Variants in GFRA2 observed in about 807,000 individuals in gnomAD.
The protein encoded by GFRA2 is GDNF family receptor alpha-2.
Under a neutral mutation model 48.3 loss-of-function variants are expected in GFRA2, and 17 were observed. That is an observed-to-expected ratio of 0.35 (90% confidence interval 0.24 to 0.53). The LOEUF is 0.53. Among genes scored for constraint, GFRA2 ranks in the 20% least tolerant of loss-of-function variants. The pLI, the probability that GFRA2 is intolerant of heterozygous loss-of-function variation, is 0.93. For synonymous variants in GFRA2, 305 were observed against 257.2 expected (o/e 1.19, Z -1.78); for missense variants, 660 against 637.3 (o/e 1.04, Z -0.38).
chr8:21,722,774 CA>C (rs1315660611), intron 4 of GFRA2, among the ~76,000 whole-genome samples: 3 of 152,234 alleles, frequency 2.0e-5, no homozygotes, highest in Admixed American at 1.3e-4. Context: ...CCTCCAACTC[CA>C]CAACAGGTGA....
At chr8:21,698,324 G>T (rs912313501) in intron 7 of GFRA2, among the ~76,000 whole-genome samples, 1 of 152,186 alleles carries the variant, frequency 6.6e-6, no homozygotes, top group Non-Finnish European at 1.5e-5. Context: ...GGGGAAGGAC[G>T]CAGAAAGAAG....
chr8:21,776,719 C>A, intron 2 of GFRA2, among the ~76,000 whole-genome samples: 1 of 152,140 alleles, frequency 6.6e-6, no homozygotes, highest in Non-Finnish European at 1.5e-5. Context: ...GATCTGTGCA[C>A]CTCAGCCTCC....
rs1807077846 is a variant in GFRA2 at position 21,782,834 on chromosome 8, G to A, written c.106C>T (p.Pro36Ser). 1.3e-6 allele frequency: 2 copies of A among 1,571,198 alleles called. No individual in the cohort carries two copies. The highest frequency in any genetic ancestry group is 1.2e-5 in the South Asian group (1 of 86,536). The change falls in exon 2 of 9, where the codon CCC (proline) becomes TCC (serine). Residue 36 changes from proline to serine, a missense_variant. Coordinates refer to ENST00000524240, the MANE Select transcript of GFRA2 (RefSeq NM_001495.5). ...LQGPELHGWRPPVDCVRANEL... is the reference protein window; with the variant it reads ...LQGPELHGWRSPVDCVRANEL... The stretch of plus-strand genomic sequence containing the variant: ...TTGGCCCGGACACAGTCCACTGGGG[G>A]GCGCCAGCCGTGGAGCTCGGGGCCC...
intron 4 of GFRA2, among the ~76,000 whole-genome samples, chr8:21,712,359 A>G (rs1483832032): frequency 7.1e-6 from 1 of 141,240 alleles, no homozygotes; most frequent in Non-Finnish European, 1.5e-5. Flanking sequence ...CGCTCCTCAC[A>G]TCCCAGACGG....
chr8:21,703,102 G>GCATA (rs1258709347), intron 6 of GFRA2, 125 bp from the exon 7 acceptor site: 2 of 548,620 alleles, frequency 3.6e-6, no homozygotes, highest in Admixed American at 7.4e-5. Flanking sequence ...CCAGGACAGG[G>GCATA]CATAGCACAG....
chr8:21,712,602 G>T (rs1803108613), intron 4 of GFRA2, among the ~76,000 whole-genome samples: 1 of 148,828 alleles, frequency 6.7e-6, no homozygotes, highest in Non-Finnish European at 1.5e-5. Flanking sequence ...TCCCAGACGG[G>T]GTGGCGGCCG....
At chr8:21,724,579 C>A (rs1229073670) in intron 4 of GFRA2, among the ~76,000 whole-genome samples, 1 of 152,130 alleles carries the variant, frequency 6.6e-6, no homozygotes, top group East Asian at 1.9e-4. Flanking sequence ...AACCAGGAGG[C>A]AAACTGGGAA....
At chr8:21,726,747 C>T (rs1028252021) in intron 4 of GFRA2, among the ~76,000 whole-genome samples, 1 of 149,006 alleles carries the variant, frequency 6.7e-6, no homozygotes, top group African/African-American at 2.5e-5. Context: ...CTGCAAACAC[C>T]CTATTTTTTT....
intron 4 of GFRA2, among the ~76,000 whole-genome samples, chr8:21,714,196 G>T (rs1803212987): frequency 1.4e-5 from 2 of 143,124 alleles, no homozygotes; most frequent in African/African-American, 2.6e-5. Context: ...AATAATATTG[G>T]GGATCCCCAA....
intron 1 of GFRA2, among the ~76,000 whole-genome samples, chr8:21,809,222 G>A (rs73671777): frequency 2.0e-5 from 3 of 152,218 alleles, no homozygotes; most frequent in Non-Finnish European, 4.4e-5. Context: ...GAACACTGAG[G>A]AACTGGACCA....
At chr8:21,786,804 G>C (rs1013223723) in intron 1 of GFRA2, among the ~76,000 whole-genome samples, 39 of 152,264 alleles carry the variant, frequency 2.6e-4, no homozygotes, top group African/African-American at 7.2e-4. Context: ...GCACTTCTTA[G>C]ACCACGCACA....
chr8:21,703,703 C>A (rs1452995179), intron 6 of GFRA2, among the ~76,000 whole-genome samples: 1 of 152,164 alleles, frequency 6.6e-6, no homozygotes, highest in Non-Finnish European at 1.5e-5. Context: ...CTTGGTGCCT[C>A]CCTGCACAAG....
chr8:21,704,027 G>A (rs574445363), intron 6 of GFRA2, among the ~76,000 whole-genome samples: 1 of 152,370 alleles, frequency 6.6e-6, no homozygotes, highest in South Asian at 2.1e-4. Flanking sequence ...CCTCAGGCCT[G>A]CAAGGCCCTG....
At chr8:21,708,284 C>T (rs1292030080) in intron 4 of GFRA2, among the ~76,000 whole-genome samples, 2 of 152,232 alleles carry the variant, frequency 1.3e-5, no homozygotes, top group East Asian at 3.8e-4. Context: ...CATTTCCAAG[C>T]AATCCTTCAC....
intron 4 of GFRA2, among the ~76,000 whole-genome samples, chr8:21,729,973 C>T (rs944238009): frequency 5.3e-5 from 8 of 152,222 alleles, no homozygotes; most frequent in African/African-American, 9.6e-5. Flanking sequence ...GCAGAGATCC[C>T]ACCACACTCT....
chr8:21,763,789 C>A (rs1394211300), intron 3 of GFRA2, among the ~76,000 whole-genome samples: 2 of 151,894 alleles, frequency 1.3e-5, no homozygotes, highest in Non-Finnish European at 2.9e-5. Flanking sequence ...TCCTCAATTC[C>A]TCCCTACCCA....
rs202075345 is a variant in GFRA2 at position 21,702,761 on chromosome 8, C to T, written c.1218+44G>A. The T allele has an allele frequency of 1.7e-5, 26 of 1,518,740 alleles. No individual in the cohort carries two copies. In the East Asian group the frequency reaches 1.8e-4, roughly 10 times the overall value. 94.1% of individuals were successfully genotyped at this position (1,518,740 alleles called of 1,614,324 possible). On this transcript the variant is annotated intron_variant, in intron 7 of 8. Coordinates refer to ENST00000524240, the MANE Select transcript of GFRA2 (RefSeq NM_001495.5). ...GCTGAGTCATTTCCCATGCCACTTCCGGTGCCATGGTGCTCCCCCCACGCC... is the reference window on the plus strand; with the variant it reads ...GCTGAGTCATTTCCCATGCCACTTCTGGTGCCATGGTGCTCCCCCCACGCC...
At chr8:21,790,015 C>A, upstream of GFRA2, 1 of 952,622 alleles carries the variant, frequency 1.0e-6, no homozygotes, top group Non-Finnish European at 1.3e-6. Flanking sequence ...GGGGGTTCCT[C>A]CTCCCCTAGC....
chr8:21,703,629 G>A (rs568450948), intron 6 of GFRA2, among the ~76,000 whole-genome samples: 1 of 152,202 alleles, frequency 6.6e-6, no homozygotes, highest in South Asian at 2.1e-4. Flanking sequence ...CCCTCATATT[G>A]CAGCCTTGAA....
Sources: allele counts gnomAD v4.1 joint callset (sites outside exome capture counted in the v4.1 genomes callset), GRCh38; gene constraint gnomAD v4.1.1; transcripts MANE v1.5; gene names NCBI Gene and HGNC (gene_info 2026-07-23, HGNC 2026-07-21).